NBAS: variants seen among roughly 807,000 people sequenced by gnomAD.
NBAS encodes NAG/BC035112 fusion.
Under a neutral mutation model 302.5 loss-of-function variants are expected in NBAS, and 219 were observed. That is an observed-to-expected ratio of 0.72 (90% CI 0.65 to 0.81). The LOEUF (loss-of-function observed/expected upper bound fraction) is 0.81, where lower values mean the gene tolerates loss of function less well. NBAS is among the 30% of genes least tolerant of loss of function. The pLI is 0.00. For missense variants in NBAS, 2,932 were observed against 2,841.6 expected, an observed-to-expected ratio of 1.03 and a Z score of -0.72; for synonymous variants, 1,118 against 1,021.6, an observed-to-expected ratio of 1.09 and a Z score of -1.80.
At chr2:15,147,388 G>A in the NBAS span, among the ~76,000 whole-genome samples, 1 of 152,074 alleles carries the variant, frequency 6.6e-6, no homozygotes, top group Admixed American at 6.5e-5. Context: ...GAGATCAGGA[G>A]TTCCAGACCA....
the NBAS span, among the ~76,000 whole-genome samples, chr2:14,780,250 TTAGTG>T: frequency 6.6e-6 from 1 of 152,240 alleles, no homozygotes; most frequent in Non-Finnish European, 1.5e-5. Context: ...ATTTTTGAAA[TTAGTG>T]TAACCTATGG....
At chr2:14,989,586 A>G in the NBAS span, among the ~76,000 whole-genome samples, 2 of 152,158 alleles carry the variant, frequency 1.3e-5, no homozygotes, top group Non-Finnish European at 2.9e-5. Flanking sequence ...ATTAAAAAAA[A>G]GACAATGAAA....
intron 18 of NBAS, 39 bp from the exon 19 acceptor site, chr2:15,467,446 C>G: frequency 6.6e-7 from 1 of 1,508,280 alleles, no homozygotes; most frequent in South Asian, 1.1e-5. Context: ...TATATTTACA[C>G]AGAATTATTT....
At chr2:15,229,674 C>T (rs1180623785) in intron 47 of NBAS, among the ~76,000 whole-genome samples, 11 of 151,404 alleles carry the variant, frequency 7.3e-5, no homozygotes, top group African/African-American at 2.7e-4. Context: ...TCCAGCTACT[C>T]GGGAGGCTGA....
the NBAS span, among the ~76,000 whole-genome samples, chr2:14,786,824 G>C: frequency 2.6e-5 from 4 of 152,146 alleles, no homozygotes; most frequent in Non-Finnish European, 5.9e-5. Context: ...GAGTTCTGTA[G>C]ATGTCTATTA....
the NBAS span, among the ~76,000 whole-genome samples, chr2:15,131,559 A>G: frequency 1.3e-5 from 2 of 152,200 alleles, no homozygotes; most frequent in African/African-American, 4.8e-5. Context: ...TATAGATGGT[A>G]AGCATGAATT....
chr2:14,929,537 C>T, the NBAS span, among the ~76,000 whole-genome samples: 1 of 152,226 alleles, frequency 6.6e-6, no homozygotes, highest in East Asian at 1.9e-4. Flanking sequence ...GCCACCACAC[C>T]CAGCCAATTT....
intron 51 of NBAS, among the ~76,000 whole-genome samples, chr2:15,177,584 C>T (rs143575355): frequency 9.9e-5 from 15 of 152,124 alleles, no homozygotes; most frequent in African/African-American, 2.9e-4. Context: ...TCAAAGAGGC[C>T]CATGGCAAAT....
chr2:15,069,216 G>A, the NBAS span, among the ~76,000 whole-genome samples: 1 of 152,152 alleles, frequency 6.6e-6, no homozygotes, highest in Non-Finnish European at 1.5e-5. Context: ...CTGTCCAATT[G>A]GAAAAGAATG....
At chr2:15,144,908 G>C in the NBAS span, among the ~76,000 whole-genome samples, 3 of 152,212 alleles carry the variant, frequency 2.0e-5, no homozygotes, top group Non-Finnish European at 4.4e-5. Flanking sequence ...TAAGGTAAAA[G>C]CTGACAATTT....
chr2:14,923,241 G>A, the NBAS span, among the ~76,000 whole-genome samples: 1 of 151,018 alleles, frequency 6.6e-6, no homozygotes, highest in Non-Finnish European at 1.5e-5. Context: ...ATAAGTCAAT[G>A]TTGTGCCAAG....
intron 11 of NBAS, among the ~76,000 whole-genome samples, chr2:15,502,093 C>T (rs1406025907): frequency 6.6e-6 from 1 of 152,114 alleles, no homozygotes; most frequent in African/African-American, 2.4e-5. Flanking sequence ...CAATAACCAA[C>T]CAGAAGTGGT....
chr2:14,931,311 T>C, the NBAS span, among the ~76,000 whole-genome samples: 1 of 152,160 alleles, frequency 6.6e-6, no homozygotes, highest in African/African-American at 2.4e-5. Flanking sequence ...TTTTTGTTTG[T>C]TTGTTTGGGA....
At chr2:15,261,317 G>A (rs1302342949) in intron 44 of NBAS, among the ~76,000 whole-genome samples, 2 of 152,212 alleles carry the variant, frequency 1.3e-5, no homozygotes, top group South Asian at 2.1e-4. Context: ...TTTATAAATC[G>A]TATAGAATAT....
the NBAS span, among the ~76,000 whole-genome samples, chr2:14,987,848 A>C: frequency 6.6e-6 from 1 of 152,120 alleles, no homozygotes; most frequent in Non-Finnish European, 1.5e-5. Flanking sequence ...ATTTCGGTAT[A>C]TATTCTTTTG....
chr2:14,813,438 T>G, the NBAS span, among the ~76,000 whole-genome samples: 4 of 152,168 alleles, frequency 2.6e-5, no homozygotes, highest in Non-Finnish European at 5.9e-5. Flanking sequence ...AAAATCATCC[T>G]CGTTATGTTT....
At chr2:15,131,508 A>T in the NBAS span, among the ~76,000 whole-genome samples, 508 of 152,330 alleles carry the variant, frequency 3.3e-3, 5 homozygotes, top group African/African-American at 0.012. Context: ...ATGAAGTTCA[A>T]ATAGGAGGTA....
At chr2:15,218,726 C>A in intron 48 of NBAS, 47 bp downstream of exon 48, 1 of 1,612,714 alleles carries the variant, frequency 6.2e-7, no homozygotes, top group Non-Finnish European at 8.5e-7. Flanking sequence ...CCGCGTCCGG[C>A]CTAATTATTG....
the NBAS span, among the ~76,000 whole-genome samples, chr2:15,021,044 C>T: frequency 6.6e-6 from 1 of 152,054 alleles, no homozygotes; most frequent in African/African-American, 2.4e-5. Flanking sequence ...TCAGCCTGAC[C>T]AACATGGTAA....
Sources: gnomAD v4.1 joint callset for allele counts (sites outside exome capture counted in the v4.1 genomes callset) on GRCh38, gnomAD v4.1.1 for gene constraint, MANE v1.5 for transcripts, NCBI Gene and HGNC (gene_info 2026-07-23, HGNC 2026-07-21) for gene names.